The following CHD3 variants were observed in gnomAD, a reference collection of about 807,000 sequenced individuals.
CHD3 encodes ATP-dependent chromatin remodeler CHD3.
Under a neutral mutation model 248.9 loss-of-function variants are expected in CHD3, and 52 were observed. The observed-to-expected ratio is 0.21, with a 90% CI of 0.17 to 0.26. CHD3 has a LOEUF of 0.26. Among genes scored for constraint, CHD3 ranks in the 10% least tolerant of loss-of-function variants. CHD3 has a pLI of 1.00. For synonymous variants in CHD3, 985 were observed against 985.2 expected (o/e 1.00, Z 0.00); for missense variants, 1,482 against 2,605.8 (o/e 0.57, Z 9.39).
upstream of CHD3, chr17:7,884,984 C>G (rs1365488057): frequency 9.7e-6 from 11 of 1,133,120 alleles, no homozygotes; most frequent in Admixed American, 4.8e-5. Context: ...GGGCCACGAC[C>G]GGGGCCGCGA....
Position 7,908,127 on chromosome 17 carries a change from C to A in CHD3, c.5152+108C>A. The A allele has an allele frequency of 7.5e-7, 1 of 1,340,390 alleles. No homozygotes were observed. The highest frequency in any genetic ancestry group is 1.0e-6 in the Non-Finnish European group (1 of 976,426). The allele number at this position is 1,340,390 out of a possible 1,614,324, so 83.0% of individuals were successfully genotyped here. Reference sequence around the variant, plus strand: ...TGCTACCTTTAATTCCAAGTAACTTCCAATGAAGTATGTTGCATGCTGACT... The same window carrying A: ...TGCTACCTTTAATTCCAAGTAACTTACAATGAAGTATGTTGCATGCTGACT... On this transcript the variant is annotated intron_variant, in intron 34 of 39. Coordinates refer to ENST00000330494, the MANE Select transcript of CHD3 (RefSeq NM_001005273.3). The surrounding 1 kb of genome is among the most constrained non-coding windows in gnomAD (Gnocchi z 5.8).
chr17:7,907,882 C>T lies in CHD3; in HGVS notation c.5027-12C>T, dbSNP rs1464028154. On this transcript the variant is annotated splice_polypyrimidine_tract_variant and intron_variant, in intron 33 of 39. Coordinates refer to ENST00000330494, the MANE Select transcript of CHD3 (RefSeq NM_001005273.3). This position sits in a 1 kb window ranked among gnomAD's most constrained non-coding sequence, Gnocchi z 4.3. ...TCCTGAGGTGTGAGCTTTGACCTGT[C>T]TGTCCTAGCAGAAGATGTAAAAGGT... The T allele has an allele frequency of 6.2e-7, 1 of 1,607,486 alleles. No individual in the cohort carries two copies. Among genetic ancestry groups the T allele is most frequent in the Non-Finnish European group, 8.5e-7 (1 of 1,175,654 alleles).
chr17:7,889,312 G>A lies in CHD3; in HGVS notation c.100+212G>A, dbSNP rs1173117563. Among the ~76,000 whole-genome samples, 1 of 152,262 alleles carries A rather than the reference G, an allele frequency of 6.6e-6. No homozygotes were observed. Among genetic ancestry groups the A allele is most frequent in the East Asian group, 1.9e-4 (1 of 5,196 alleles). On this transcript the variant is annotated intron_variant, in intron 1 of 39. Transcript: ENST00000330494. This position sits in a 1 kb window ranked among gnomAD's most constrained non-coding sequence, Gnocchi z 4.5. ...CATGGCTTCCCCAGTTCCTGGGCAGGATGCCAGCTGGCGAAGTGAGGGGGA... is the reference window on the plus strand; with the variant it reads ...CATGGCTTCCCCAGTTCCTGGGCAGAATGCCAGCTGGCGAAGTGAGGGGGA...
chr17:7,905,587 T>C lies in CHD3; in HGVS notation c.4139-34T>C, dbSNP rs1053188950. The stretch of plus-strand genomic sequence containing the variant: ...GAGGACTGAGGCTTAGAGGAGGTGG[T>C]GGCTCAGCTAACTGATGTCATCCCC... On this transcript the variant is annotated intron_variant, in intron 26 of 39. Coordinates refer to ENST00000330494, the MANE Select transcript of CHD3 (RefSeq NM_001005273.3). The surrounding 1 kb of genome is among the most constrained non-coding windows in gnomAD (Gnocchi z 5.8). The C allele has an allele frequency of 4.0e-6, 6 of 1,505,190 alleles. No homozygotes were observed. Among genetic ancestry groups the C allele is most frequent in the African/African-American group, 1.4e-5 (1 of 71,998 alleles). 93.2% of individuals were successfully genotyped at this position (1,505,190 alleles called of 1,614,324 possible). A position where few individuals can be genotyped will look rare whatever the true frequency, so the allele number is the denominator to read the frequency against.
intron 8 of CHD3, 114 bp from the exon 9 acceptor site, chr17:7,894,803 C>T: frequency 6.7e-7 from 1 of 1,501,344 alleles, no homozygotes. Flanking sequence ...TTCCTTAGTT[C>T]CCACCAGTCT....
At chr17:7,901,050 G>C (rs1970238806) in intron 19 of CHD3, 57 bp downstream of exon 19, 6 of 1,582,450 alleles carry the variant, frequency 3.8e-6, no homozygotes, top group Non-Finnish European at 5.2e-6. Context: ...ACATGGGTGG[G>C]GAGTAGTGGG....
chr17:7,909,435 T>G lies in CHD3; in HGVS notation c.5590+97T>G. On this transcript the variant is annotated intron_variant, in intron 37 of 39. Coordinates refer to ENST00000330494, the MANE Select transcript of CHD3 (RefSeq NM_001005273.3). The surrounding 1 kb of genome is among the most constrained non-coding windows in gnomAD (Gnocchi z 8.1). Reference sequence around the variant, plus strand: ...AAATCTTCCCACCCCCTGACCCCTCTACCTGCTGAACCATCCCCCTCTGAC... The same window carrying G: ...AAATCTTCCCACCCCCTGACCCCTCGACCTGCTGAACCATCCCCCTCTGAC... 7.1e-7 allele frequency: 1 copy of G among 1,408,398 alleles called. No individual in the cohort carries two copies. Among genetic ancestry groups the G allele is most frequent in the East Asian group, 2.6e-5 (1 of 38,766 alleles). 87.2% of individuals were successfully genotyped at this position (1,408,398 alleles called of 1,614,324 possible).
At position 7,903,673 on chromosome 17, in the gene CHD3, T is replaced by C; in HGVS notation, c.3728-152T>C. The C allele has an allele frequency of 2.8e-6, 3 of 1,073,836 alleles. No individual in the cohort carries two copies. Among genetic ancestry groups the C allele is most frequent in the Non-Finnish European group, 4.0e-6 (3 of 752,504 alleles). 66.5% of individuals were successfully genotyped at this position (1,073,836 alleles called of 1,614,324 possible). A position where few individuals can be genotyped will look rare whatever the true frequency, so the allele number is the denominator to read the frequency against. On this transcript the variant is annotated intron_variant, in intron 23 of 39. Transcript: ENST00000330494. The surrounding 1 kb of genome is among the most constrained non-coding windows in gnomAD (Gnocchi z 6.8). ...TGGCCTCTTTCTTTGCCTGTAGGGT[T>C]AAAACAAACAAAACAAAAACCTTTC...
At position 7,908,459 on chromosome 17, in the gene CHD3, A is replaced by T; in HGVS notation, c.5210A>T (p.Asn1737Ile). ...ERAAISSGKL[N>I]EIWHRRHDYW... Reference sequence around the variant, plus strand: ...GCAGCTATTTCCTCGGGGAAACTCAATGAGATCTGGCACAGAAGACATGAC... The same window carrying T: ...GCAGCTATTTCCTCGGGGAAACTCATTGAGATCTGGCACAGAAGACATGAC... The change falls in exon 35 of 40, where the codon AAT becomes ATT. Residue 1737 changes from asparagine (N) to isoleucine (I), a missense_variant. This residue lies in a region of CHD3 where 36 missense variants were observed against 70.4 expected (regional missense o/e 0.51). Coordinates refer to ENST00000330494, the MANE Select transcript of CHD3 (RefSeq NM_001005273.3). The surrounding 1 kb of genome is among the most constrained non-coding windows in gnomAD (Gnocchi z 5.8). 1.2e-6 allele frequency: 2 copies of T among 1,613,958 alleles called. No individual in the cohort carries two copies. Among genetic ancestry groups the T allele is most frequent in the Non-Finnish European group, 1.7e-6 (2 of 1,179,886 alleles).
Position 7,903,539 on chromosome 17 carries a change from C to G in CHD3, c.3727+36C>G, listed in dbSNP as rs780869441. 9 of 1,527,644 alleles carry G rather than the reference C, an allele frequency of 5.9e-6. No individual in the cohort carries two copies. The South Asian group carries it at 1.0e-4, about 18-fold the overall frequency. 94.6% of individuals were successfully genotyped at this position (1,527,644 alleles called of 1,614,324 possible). A position where few individuals can be genotyped will look rare whatever the true frequency, so the allele number is the denominator to read the frequency against. On this transcript the variant is annotated intron_variant, in intron 23 of 39. Coordinates refer to ENST00000330494, the MANE Select transcript of CHD3 (RefSeq NM_001005273.3). The surrounding 1 kb of genome is among the most constrained non-coding windows in gnomAD (Gnocchi z 6.8). ...TTTCTGCAGCTCTGTGAAAGCAGGC[C>G]CCTGCTCTCTCAGGAGTACTTATCA...
chr17:7,900,405 G>T lies in CHD3; in HGVS notation c.2798G>T (p.Arg933Ile). ...FHLLNFLTPERFNNLEGFLEE... is the reference protein window; with the variant it reads ...FHLLNFLTPEIFNNLEGFLEE... ...CTCCTGAACTTCCTCACCCCAGAGA[G>T]ATTTAAGTAAGTGGTTCCCTAAGGG... The change falls in exon 17 of 40, where the codon AGA (arginine) becomes ATA (isoleucine). Residue 933 changes from arginine (R) to isoleucine (I), a missense_variant. By Grantham distance (97) the Arg-to-Ile change is moderately conservative. Coordinates refer to ENST00000330494, the MANE Select transcript of CHD3 (RefSeq NM_001005273.3). The surrounding 1 kb of genome is among the most constrained non-coding windows in gnomAD (Gnocchi z 6.5). 6.2e-7 allele frequency: 1 copy of T among 1,614,180 alleles called. No homozygotes were observed. The highest frequency in any genetic ancestry group is 8.5e-7 in the Non-Finnish European group (1 of 1,180,040).
At position 7,901,017 on chromosome 17, in the gene CHD3, GA is replaced by G. The variant is rs747105273; in HGVS notation, c.3120+25del. The G allele has an allele frequency of 2.7e-5, 43 of 1,604,926 alleles. No individual in the cohort carries two copies. In the South Asian group the frequency reaches 4.8e-4, roughly 18 times the overall value. On this transcript the variant is annotated intron_variant, in intron 19 of 39. Coordinates refer to ENST00000330494, the MANE Select transcript of CHD3 (RefSeq NM_001005273.3). ...TGGTAGATACACAGAGCAGGGAGCT[GA>G]TCGAACGCCCATTCTCAGAAAACAT... is the stretch of plus-strand genomic sequence containing the variant.
rs888629910 is a variant in CHD3, at chr17:7,909,079, C to A, written c.5395-64C>A. On this transcript the variant is annotated intron_variant, in intron 36 of 39. Coordinates refer to ENST00000330494, the MANE Select transcript of CHD3 (RefSeq NM_001005273.3). The surrounding 1 kb of genome is among the most constrained non-coding windows in gnomAD (Gnocchi z 8.1). ...AGGGTGGGTCTCTTGCTATGTCCGC[C>A]CCCCCAGCCCCTCACCCACTGCTGG... 6.5e-7 allele frequency: 1 copy of A among 1,542,800 alleles called. No individual in the cohort carries two copies. The highest frequency in any genetic ancestry group is 2.0e-5 in the Admixed American group (1 of 50,728).
In CHD3 at chr17:7,895,305, T is replaced by C; in HGVS notation, c.1504-34T>C. On this transcript the variant is annotated intron_variant, in intron 9 of 39. Coordinates refer to ENST00000330494, the MANE Select transcript of CHD3 (RefSeq NM_001005273.3). The surrounding 1 kb of genome is among the most constrained non-coding windows in gnomAD (Gnocchi z 4.9). ...TAACAATGGGTTCTTTCTGCCTCTTTCTTTCCTCCTCCTTGTACGTGTCCA... is the reference window on the plus strand; with the variant it reads ...TAACAATGGGTTCTTTCTGCCTCTTCCTTTCCTCCTCCTTGTACGTGTCCA... The C allele has an allele frequency of 1.2e-6, 2 of 1,610,298 alleles. No homozygotes were observed. The highest frequency in any genetic ancestry group is 1.7e-6 in the Non-Finnish European group (2 of 1,177,128).
rs1185998778 is a variant in CHD3 at position 7,898,547 on chromosome 17, G to A, written c.2103G>A (p.Lys701=). 3 of 1,614,128 alleles carry A rather than the reference G, an allele frequency of 1.9e-6. No individual in the cohort carries two copies. The highest frequency in any genetic ancestry group is 2.2e-5 in the East Asian group (1 of 44,882). ...CCCAGCCCCGCAAGTATAAGAAGAA[G>A]AAGAAGGAGCTACAGGGTGATGGGC... ...DPAQPRKYKK[K]KKELQGDGPP... is the part of the protein sequence containing the mutation. Residue 701 remains lysine, a synonymous_variant, in exon 13 of 40, where the codon AAG becomes AAA. Transcript: ENST00000330494.
intron 4 of CHD3, among the ~76,000 whole-genome samples, chr17:7,891,550 G>C (rs971232583): frequency 6.6e-6 from 1 of 152,146 alleles, no homozygotes; most frequent in Non-Finnish European, 1.5e-5. Context: ...GAAAAGTAGA[G>C]AATAGTAGAG....
rs1443185614 is a variant in CHD3 at position 7,911,798 on chromosome 17, CTG to C, written c.*216_*217del. 2.1e-6 allele frequency: 3 copies of C among 1,438,472 alleles called. No homozygotes were observed. The highest frequency in any genetic ancestry group is 1.9e-6 in the Non-Finnish European group (2 of 1,074,412). 89.1% of individuals were successfully genotyped at this position (1,438,472 alleles called of 1,614,324 possible). A position where few individuals can be genotyped will look rare whatever the true frequency, so the allele number is the denominator to read the frequency against. On this transcript the variant is annotated 3_prime_UTR_variant, in exon 40 of 40. Transcript: ENST00000330494. The surrounding 1 kb of genome is among the most constrained non-coding windows in gnomAD (Gnocchi z 5.4). ...CACCTTTCCCACCAAGCCTTGAAGA[CTG>C]TGCTGGTGAGAAGAAGTCTGGGTGG...
At chr17:7,898,971 C>G in intron 13 of CHD3, 40 bp from the exon 14 acceptor site, 1 of 1,575,456 alleles carries the variant, frequency 6.3e-7, no homozygotes. Context: ...GAGGAGCCGC[C>G]GACTATTTCC....
chr17:7,902,035 C>T (rs28691002), intron 20 of CHD3, among the ~76,000 whole-genome samples: 6,461 of 152,192 alleles, frequency 0.042, 173 homozygotes, highest in Non-Finnish European at 0.055. Context: ...CAATTTTGTA[C>T]GGATTTTCAG....
Sources: gnomAD v4.1 joint callset for allele counts (sites outside exome capture counted in the v4.1 genomes callset) on GRCh38, gnomAD v4.1.1 for gene constraint, gnomAD v4.1.1 regional missense constraint, Gnocchi (gnomAD v3.1) non-coding constraint, MANE v1.5 for transcripts, NCBI Gene and HGNC (gene_info 2026-07-23, HGNC 2026-07-21) for gene names.